Variants in PHACTR4 observed in about 807,000 individuals in gnomAD.
The protein encoded by PHACTR4 is phosphatase and actin regulator 4.
A neutral mutation model predicts 72.7 loss-of-function variants in PHACTR4; 51 were observed. The observed-to-expected ratio is 0.70, with a 90% CI of 0.56 to 0.89. PHACTR4 has a LOEUF of 0.89. Ranked by LOEUF, PHACTR4 falls within the 40% of genes least tolerant of loss-of-function variation. PHACTR4 has a pLI of 0.00. For synonymous variants in PHACTR4, 255 were observed against 302.5 expected (o/e 0.84, Z 1.63); for missense variants, 731 against 861.8 (o/e 0.85, Z 1.90).
intron 2 of PHACTR4, among the ~76,000 whole-genome samples, chr1:28,437,842 A>T (rs890046958): frequency 6.6e-6 from 1 of 152,240 alleles, no homozygotes; most frequent in Non-Finnish European, 1.5e-5. Context: ...ACACAGTGAA[A>T]TCTGATACTT....
chr1:28,465,602 GAAAGAAAA>G (rs1659100632), intron 4 of PHACTR4, 75 bp from the exon 5 acceptor site: 1 of 1,396,162 alleles, frequency 7.2e-7, no homozygotes, highest in Non-Finnish European at 9.7e-7. Context: ...AAAAGAGAGA[GAAAGAAAA>G]AAAGAAATTA....
intron 2 of PHACTR4, among the ~76,000 whole-genome samples, chr1:28,423,062 T>C (rs966909064): frequency 2.6e-5 from 4 of 152,262 alleles, no homozygotes; most frequent in Admixed American, 2.6e-4. Flanking sequence ...TTGCTGGGAT[T>C]ACAGGCATGA....
Position 28,474,129 on chromosome 1 carries a change from A to G in PHACTR4, c.1399A>G (p.Ile467Val). 1.9e-6 allele frequency: 3 copies of G among 1,612,810 alleles called. No individual in the cohort carries two copies. The highest frequency in any genetic ancestry group is 1.7e-6 in the Non-Finnish European group (2 of 1,179,330). ...GCTGGGTCGGACCAGGTCTCTTCCC[A>G]TCACTATTGAAATGCTAAAAGTGTA... is the stretch of plus-strand genomic sequence containing the variant. Reference protein sequence around the residue: ...STLGRTRSLPITIEMLKVPDD... With the variant: ...STLGRTRSLPVTIEMLKVPDD... Residue 467 changes from isoleucine (I) to valine (V), a missense_variant, in exon 7 of 14, where the codon ATC (isoleucine) becomes GTC (valine). Coordinates refer to ENST00000373839, the MANE Select transcript of PHACTR4 (RefSeq NM_001048183.3).
At chr1:28,443,907 G>A (rs915494466) in intron 2 of PHACTR4, among the ~76,000 whole-genome samples, 2 of 152,086 alleles carry the variant, frequency 1.3e-5, no homozygotes, top group Admixed American at 1.3e-4. Flanking sequence ...TATCTCTTCA[G>A]TATAATGATT....
At chr1:28,493,538 C>CA (rs34819233) in intron 13 of PHACTR4, among the ~76,000 whole-genome samples, 15,708 of 103,952 alleles carry the variant, frequency 0.15, 1,948 homozygotes, top group African/African-American at 0.37. Flanking sequence ...AACTCCATCT[C>CA]AAAAAAAAAA....
intron 2 of PHACTR4, among the ~76,000 whole-genome samples, chr1:28,435,504 A>G (rs953237097): frequency 6.6e-6 from 1 of 152,200 alleles, no homozygotes; most frequent in African/African-American, 2.4e-5. Flanking sequence ...ACCTCAGGTG[A>G]TCTGCCTGCC....
At chr1:28,439,586 T>G (rs1188007987) in intron 2 of PHACTR4, among the ~76,000 whole-genome samples, 1 of 152,168 alleles carries the variant, frequency 6.6e-6, no homozygotes, top group Non-Finnish European at 1.5e-5. Context: ...ATCAATTCAT[T>G]AACTCATTTA....
chr1:28,388,902 A>G (rs1329196609), intron 1 of PHACTR4, among the ~76,000 whole-genome samples: 2 of 152,108 alleles, frequency 1.3e-5, no homozygotes, highest in African/African-American at 4.8e-5. Context: ...AAGACCTGAA[A>G]CTGTAAAACT....
intron 2 of PHACTR4, among the ~76,000 whole-genome samples, chr1:28,455,473 A>G (rs1458187756): frequency 2.0e-5 from 3 of 152,100 alleles, no homozygotes; most frequent in Non-Finnish European, 4.4e-5. Flanking sequence ...CTGGGATTAC[A>G]GGCATGAGTC....
At position 28,491,725 on chromosome 1, in the gene PHACTR4, G is replaced by A. The variant is rs186192288; in HGVS notation, c.1954G>A (p.Asp652Asn). 3.7e-5 allele frequency: 60 copies of A among 1,614,156 alleles called. No homozygotes were observed. In the African/African-American group the frequency reaches 6.5e-4, roughly 18 times the overall value. ...GTTTAATGAATATGTAGAGGTAACA[G>A]ATGCTCAAGATTATGACCGGCGAGC... ...LRFNEYVEVTDAQDYDRRADK... is the reference protein window; with the variant it reads ...LRFNEYVEVTNAQDYDRRADK... The change falls in exon 12 of 14, where the codon GAT becomes AAT. Residue 652 changes from aspartate to asparagine, a missense_variant. By Grantham distance (23) the Asp-to-Asn change is conservative (BLOSUM62 1). This residue lies in a region of PHACTR4 where 110 missense variants were observed against 185.2 expected (regional missense o/e 0.59). Coordinates refer to ENST00000373839, the MANE Select transcript of PHACTR4 (RefSeq NM_001048183.3).
chr1:28,459,112 C>T lies in PHACTR4; in HGVS notation c.44C>T (p.Pro15Leu). 6.2e-7 allele frequency: 1 copy of T among 1,612,806 alleles called. No individual in the cohort carries two copies. The highest frequency in any genetic ancestry group is 1.3e-5 in the African/African-American group (1 of 74,948). ...GAAGCAGACCAGCCCACTACAGAGC[C>T]AGGCATGGTCCTGGACAGTGTGGAA... is the stretch of plus-strand genomic sequence containing the variant. ...FEEADQPTTE[P>L]GMVLDSVEAG... is the part of the protein sequence containing the mutation. Residue 15 changes from proline to leucine, a missense_variant, in exon 3 of 14, where the codon CCA becomes CTA. Pro to Leu is a moderately conservative substitution (Grantham distance 98). Coordinates refer to ENST00000373839, the MANE Select transcript of PHACTR4 (RefSeq NM_001048183.3).
chr1:28,475,221 G>A (rs188119890), intron 7 of PHACTR4, among the ~76,000 whole-genome samples: 25 of 151,998 alleles, frequency 1.6e-4, no homozygotes, highest in Admixed American at 1.2e-3. Context: ...AGAATGCTGG[G>A]ATCATGGGTG....
At chr1:28,485,542 C>T (rs960041092) in intron 9 of PHACTR4, among the ~76,000 whole-genome samples, 5 of 143,480 alleles carry the variant, frequency 3.5e-5, no homozygotes, top group Non-Finnish European at 6.1e-5. Flanking sequence ...AGCCGGGATC[C>T]CGTGCCACTG....
At chr1:28,408,456 G>A (rs1654521893) in intron 2 of PHACTR4, among the ~76,000 whole-genome samples, 1 of 152,290 alleles carries the variant, frequency 6.6e-6, no homozygotes, top group South Asian at 2.1e-4. Flanking sequence ...TACTCAGGAG[G>A]TTGAGGCAGG....
At chr1:28,403,930 G>A (rs909108063) in intron 1 of PHACTR4, among the ~76,000 whole-genome samples, 1 of 152,166 alleles carries the variant, frequency 6.6e-6, no homozygotes, top group Admixed American at 6.6e-5. Context: ...TATGCTGAAT[G>A]TCCCGTTGTA....
At chr1:28,396,530 C>CA (rs888182603) in intron 1 of PHACTR4, among the ~76,000 whole-genome samples, 35 of 137,618 alleles carry the variant, frequency 2.5e-4, no homozygotes, top group East Asian at 1.1e-3. Context: ...AACTCTGTCT[C>CA]AAAAAAAAAA....
chr1:28,482,995 G>A (rs1260772910), intron 9 of PHACTR4, among the ~76,000 whole-genome samples: 2 of 151,058 alleles, frequency 1.3e-5, no homozygotes, highest in Non-Finnish European at 2.9e-5. Flanking sequence ...CTCAGGGCAA[G>A]TTTTCCCTTT....
At chr1:28,482,302 T>A (rs945505021) in intron 9 of PHACTR4, among the ~76,000 whole-genome samples, 7 of 152,224 alleles carry the variant, frequency 4.6e-5, no homozygotes, top group African/African-American at 1.7e-4. Context: ...TCACTTTTTT[T>A]ATCTGGTTGC....
intron 1 of PHACTR4, among the ~76,000 whole-genome samples, chr1:28,399,218 A>G (rs1475568754): frequency 6.6e-6 from 1 of 152,118 alleles, no homozygotes; most frequent in African/African-American, 2.4e-5. Context: ...AGGCTGAGGC[A>G]GGAGAATCGC....
Sources: gnomAD v4.1 joint callset for allele counts (sites outside exome capture counted in the v4.1 genomes callset) on GRCh38, gnomAD v4.1.1 for gene constraint, gnomAD v4.1.1 regional missense constraint, MANE v1.5 for transcripts, NCBI Gene and HGNC (gene_info 2026-07-23, HGNC 2026-07-21) for gene names.